The following LPGAT1 variants were observed in gnomAD, a reference collection of about 807,000 sequenced individuals.
LPGAT1 encodes the protein acyl-CoA:lysophosphatidylglycerol acyltransferase 1.
Under a neutral mutation model 47.5 loss-of-function variants are expected in LPGAT1, and 11 were observed. The observed-to-expected ratio is 0.23, with a 90% CI of 0.15 to 0.38. The LOEUF (loss-of-function observed/expected upper bound fraction) is 0.38. Ranked by LOEUF, LPGAT1 falls within the 10% of genes least tolerant of loss-of-function variation. LPGAT1 has a pLI of 1.00. For synonymous variants in LPGAT1, 138 were observed against 144.2 expected, an observed-to-expected ratio of 0.96 and a Z score of 0.31; for missense variants, 293 against 439.0, an observed-to-expected ratio of 0.67 and a Z score of 2.97.
At chr1:211,786,166 A>G (rs1317779024) in intron 4 of LPGAT1, among the ~76,000 whole-genome samples, 1 of 152,178 alleles carries the variant, frequency 6.6e-6, no homozygotes, top group African/African-American at 2.4e-5. Flanking sequence ...GTTCCAGGGT[A>G]TGCTTATATT....
chr1:211,828,624 C>T (rs1402700663), intron 2 of LPGAT1, among the ~76,000 whole-genome samples: 2 of 152,130 alleles, frequency 1.3e-5, no homozygotes, highest in African/African-American at 2.4e-5. Flanking sequence ...TACAATATCA[C>T]GTTAAATGAT....
chr1:211,801,500 T>C (rs760636631), intron 2 of LPGAT1, among the ~76,000 whole-genome samples: 2 of 151,826 alleles, frequency 1.3e-5, no homozygotes, highest in Non-Finnish European at 2.9e-5. Flanking sequence ...TGCTTGAGCC[T>C]AGGAGTTCAA....
intron 2 of LPGAT1, among the ~76,000 whole-genome samples, chr1:211,813,368 C>T (rs1034235456): frequency 2.0e-5 from 3 of 152,046 alleles, no homozygotes; most frequent in Non-Finnish European, 4.4e-5. Flanking sequence ...CTTATAAATA[C>T]GTATGTTTTC....
chr1:211,768,555 A>C (rs947189450), intron 6 of LPGAT1, among the ~76,000 whole-genome samples: 1 of 152,168 alleles, frequency 6.6e-6, no homozygotes, highest in Non-Finnish European at 1.5e-5. Context: ...TGTCCAATTA[A>C]ATTATAGCCA....
At chr1:211,781,431 G>A (rs770281229) in intron 5 of LPGAT1, among the ~76,000 whole-genome samples, 38 of 152,206 alleles carry the variant, frequency 2.5e-4, no homozygotes, top group Non-Finnish European at 4.9e-4. Context: ...GCTTTGGCTC[G>A]GCTGCCATTG....
At chr1:211,779,713 A>G (rs1018109733) in intron 5 of LPGAT1, among the ~76,000 whole-genome samples, 3 of 152,108 alleles carry the variant, frequency 2.0e-5, no homozygotes, top group Admixed American at 1.3e-4. Flanking sequence ...TTAGCCGGGT[A>G]TGGTGGTGCA....
intron 6 of LPGAT1, among the ~76,000 whole-genome samples, chr1:211,764,064 T>C (rs1657810901): frequency 1.3e-5 from 2 of 151,484 alleles, no homozygotes; most frequent in South Asian, 4.2e-4. Flanking sequence ...CCCAGCTATG[T>C]GGGAGGCTGA....
At chr1:211,799,011 C>A (rs759658713) in intron 2 of LPGAT1, among the ~76,000 whole-genome samples, 6 of 152,204 alleles carry the variant, frequency 3.9e-5, no homozygotes, top group Non-Finnish European at 8.8e-5. Flanking sequence ...TCTAGTCAAG[C>A]TTCCCAAGGG....
rs564256476 is a variant in LPGAT1 at position 211,745,549 on chromosome 1, CTG to C, written c.*4348_*4349del. The C allele has an allele frequency of 2.0e-5, 3 of 152,280 alleles. No individual in the cohort carries two copies. The highest frequency in any genetic ancestry group is 7.2e-5 in the African/African-American group (3 of 41,536). The allele number at this position is 152,280 out of a possible 1,614,324, so 9.4% of individuals were successfully genotyped here. A position where few individuals can be genotyped will look rare whatever the true frequency, so the allele number is the denominator to read the frequency against. ...ACTTAAAAAACGTTTGCTCTTTAAA[CTG>C]TCTTAAAAAAATATTAAATGTAAAA... On this transcript the variant is annotated 3_prime_UTR_variant, in exon 8 of 8. Transcript: ENST00000366997.
chr1:211,809,786 T>C (rs998922483), intron 2 of LPGAT1, among the ~76,000 whole-genome samples: 2 of 152,194 alleles, frequency 1.3e-5, no homozygotes, highest in Non-Finnish European at 2.9e-5. Flanking sequence ...CTGTGAGTCA[T>C]TCAAACCTCT....
At chr1:211,793,501 T>C (rs1659225070) in intron 2 of LPGAT1, among the ~76,000 whole-genome samples, 1 of 151,888 alleles carries the variant, frequency 6.6e-6, no homozygotes, top group Non-Finnish European at 1.5e-5. Context: ...GGTGCGATCT[T>C]GGCTCACTGC....
chr1:211,783,392 G>A lies in LPGAT1; in HGVS notation c.564C>T (p.Leu188=), dbSNP rs201305739. ...CCTGACTTGTTTCTCGCCTCTTCCT[G>A]AGGAAGCCCCCTTCTGGAAACAAAA... ...WIVLFPEGGF[L]RKRRETSQAF... is the part of the protein sequence containing the mutation. Residue 188 remains leucine (L), a synonymous_variant, in exon 5 of 8, where the codon CTC becomes CTT. Coordinates refer to ENST00000366997, the MANE Select transcript of LPGAT1 (RefSeq NM_014873.3). The A allele has an allele frequency of 2.1e-5, 34 of 1,614,116 alleles. No individual in the cohort carries two copies. Among genetic ancestry groups the A allele is most frequent in the South Asian group, 3.3e-5 (3 of 91,080 alleles).
At chr1:211,764,294 T>C (rs975106322) in intron 6 of LPGAT1, among the ~76,000 whole-genome samples, 5 of 152,246 alleles carry the variant, frequency 3.3e-5, no homozygotes, top group African/African-American at 1.2e-4. Flanking sequence ...CAGACTGCGC[T>C]ATTCTCAGCT....
At chr1:211,822,433 C>T (rs1306742572) in intron 2 of LPGAT1, among the ~76,000 whole-genome samples, 1 of 151,900 alleles carries the variant, frequency 6.6e-6, no homozygotes, top group Non-Finnish European at 1.5e-5. Flanking sequence ...ATATATTTTC[C>T]ATAGAAAAAT....
intron 2 of LPGAT1, among the ~76,000 whole-genome samples, chr1:211,811,291 A>C (rs1031357247): frequency 3.3e-4 from 51 of 152,326 alleles, no homozygotes; most frequent in African/African-American, 1.1e-3. Context: ...CACCCAAAAG[A>C]TAAGGCAGGC....
At position 211,743,753 on chromosome 1, in the gene LPGAT1, A is replaced by G. The variant is rs1375950706; in HGVS notation, c.*6146T>C. On this transcript the variant is annotated 3_prime_UTR_variant, in exon 8 of 8. Coordinates refer to ENST00000366997, the MANE Select transcript of LPGAT1 (RefSeq NM_014873.3). Reference sequence around the variant, plus strand: ...CCAGTCTGTTCCTTGTCTTCCACAGAAAGTAGTTCCAGGGGAAAAAGAAAT... The same window carrying G: ...CCAGTCTGTTCCTTGTCTTCCACAGGAAGTAGTTCCAGGGGAAAAAGAAAT... The G allele has an allele frequency of 6.6e-6, 1 of 152,202 alleles. No individual in the cohort carries two copies. The highest frequency in any genetic ancestry group is 1.5e-5 in the Non-Finnish European group (1 of 68,034). The allele number at this position is 152,202 out of a possible 1,614,324, so 9.4% of individuals were successfully genotyped here. A position where few individuals can be genotyped will look rare whatever the true frequency, so the allele number is the denominator to read the frequency against.
At chr1:211,796,109 AAATAAG>A (rs1659341112) in intron 2 of LPGAT1, among the ~76,000 whole-genome samples, 2 of 152,178 alleles carry the variant, frequency 1.3e-5, no homozygotes, top group African/African-American at 2.4e-5. Context: ...ATATAACTGC[AAATAAG>A]AATAAGTTTT....
chr1:211,799,071 C>T (rs1356605456), intron 2 of LPGAT1, among the ~76,000 whole-genome samples: 1 of 152,102 alleles, frequency 6.6e-6, no homozygotes, highest in African/African-American at 2.4e-5. Flanking sequence ...TAAATAAGAA[C>T]CACTGGAATT....
At chr1:211,798,749 T>A (rs1659449749) in intron 2 of LPGAT1, among the ~76,000 whole-genome samples, 1 of 152,082 alleles carries the variant, frequency 6.6e-6, no homozygotes, top group Non-Finnish European at 1.5e-5. Context: ...AATCCATAAG[T>A]GAATTTCACA....
Sources: allele counts gnomAD v4.1 joint callset (sites outside exome capture counted in the v4.1 genomes callset), GRCh38; gene constraint gnomAD v4.1.1; transcripts MANE v1.5; gene names NCBI Gene and HGNC (gene_info 2026-07-23, HGNC 2026-07-21).